Variants in SPPL2B observed in about 807,000 individuals in gnomAD.
SPPL2B encodes the protein signal peptide peptidase like 2B.
A neutral mutation model predicts 59.7 loss-of-function variants in SPPL2B; 39 were observed. The observed-to-expected ratio is 0.65, with a 90% CI of 0.51 to 0.85. The LOEUF is 0.85. Among genes scored for constraint, SPPL2B ranks in the 40% least tolerant of loss-of-function variants. SPPL2B has a pLI of 0.00. For missense variants in SPPL2B, 865 were observed against 849.0 expected, an observed-to-expected ratio of 1.02 and a Z score of -0.23; for synonymous variants, 419 against 370.8, an observed-to-expected ratio of 1.13 and a Z score of -1.49.
intron 3 of SPPL2B, chr19:2,338,534 T>G: frequency 9.9e-6 from 5 of 504,226 alleles, no homozygotes; most frequent in Admixed American, 3.5e-5. Flanking sequence ...TGGGGCCCTG[T>G]TGTCAGGTGA....
rs1239646147 is a variant in SPPL2B, at chr19:2,354,960, G to C, written c.*1751G>C. On this transcript the variant is annotated 3_prime_UTR_variant, in exon 15 of 15. Coordinates refer to ENST00000613503, the MANE Select transcript of SPPL2B (RefSeq NM_152988.3). Reference sequence around the variant, plus strand: ...GCCGGCCAGTGCTGTGAGGTGCCCAGCGTCACTCCCATGGGCTCTGTGGGC... The same window carrying C: ...GCCGGCCAGTGCTGTGAGGTGCCCACCGTCACTCCCATGGGCTCTGTGGGC... 6.6e-6 allele frequency among the ~76,000 whole-genome samples: 1 copy of C among 152,234 alleles called. No individual in the cohort carries two copies. Among genetic ancestry groups the C allele is most frequent in the East Asian group, 1.9e-4 (1 of 5,192 alleles).
At chr19:2,347,179 C>A (rs951373255) in intron 13 of SPPL2B, among the ~76,000 whole-genome samples, 1 of 150,872 alleles carries the variant, frequency 6.6e-6, no homozygotes, top group African/African-American at 2.5e-5. Context: ...TCCACACACA[C>A]GCGCTCTCAT....
chr19:2,341,521 C>G (rs1480991457), intron 8 of SPPL2B: 1 of 446,202 alleles, frequency 2.2e-6, no homozygotes, highest in African/African-American at 2.0e-5. Context: ...TCCCGCTGGC[C>G]GGGCCTCCCC....
At chr19:2,338,958 G>C in intron 4 of SPPL2B, 111 bp from the exon 5 acceptor site, 1 of 1,484,924 alleles carries the variant, frequency 6.7e-7, no homozygotes. Flanking sequence ...GGTGAGGCGT[G>C]GCCCCTGCAG....
At chr19:2,331,957 C>A in intron 1 of SPPL2B, among the ~76,000 whole-genome samples, 1 of 152,268 alleles carries the variant, frequency 6.6e-6, no homozygotes, top group East Asian at 1.9e-4. Context: ...TGACCCATAA[C>A]ATCCCTCCTG....
In SPPL2B at chr19:2,332,551, C is replaced by T. The variant is rs1038615540; in HGVS notation, c.67-2051C>T. Among the ~76,000 whole-genome samples the T allele has an allele frequency of 2.6e-5, 4 of 152,182 alleles. No homozygotes were observed. On this transcript the variant is annotated intron_variant, in intron 1 of 14. Transcript: ENST00000613503. This position sits in a 1 kb window ranked among gnomAD's most constrained non-coding sequence, Gnocchi z 4.6. ...TTCCTGATGAGGCAAATGGCTGTGG[C>T]CTGTTTGTTTCCGTGACAGGTCCCC...
chr19:2,346,614 C>G (rs914042409), intron 13 of SPPL2B, among the ~76,000 whole-genome samples: 1 of 152,172 alleles, frequency 6.6e-6, no homozygotes, highest in African/African-American at 2.4e-5. Flanking sequence ...CTGCAGTGAG[C>G]CATGATCGTG....
intron 1 of SPPL2B, among the ~76,000 whole-genome samples, chr19:2,331,908 C>T (rs73520555): frequency 0.011 from 1,635 of 152,338 alleles, 30 homozygotes; most frequent in African/African-American, 0.037. Flanking sequence ...TTTACAAACA[C>T]AGAAGGTGGG....
intron 7 of SPPL2B, chr19:2,340,647 G>A: frequency 1.8e-6 from 1 of 569,310 alleles, no homozygotes; most frequent in Non-Finnish European, 3.1e-6. Context: ...AGGGCCTCGG[G>A]CGAAGGGGCG....
intron 4 of SPPL2B, 35 bp from the exon 5 acceptor site, chr19:2,339,034 T>C (rs1253594213): frequency 6.5e-7 from 1 of 1,536,354 alleles, no homozygotes; most frequent in Admixed American, 2.0e-5. Context: ...GGCGGGTGGC[T>C]CTGACGCCTG....
At chr19:2,339,581 C>A (rs1968885706) in intron 5 of SPPL2B, 2 of 599,900 alleles carry the variant, frequency 3.3e-6, no homozygotes, top group Non-Finnish European at 5.9e-6. Context: ...TGCCCACACG[C>A]CAGCCTCTGG....
intron 7 of SPPL2B, chr19:2,340,655 G>T: frequency 1.7e-6 from 1 of 575,282 alleles, no homozygotes. Flanking sequence ...GGGCGAAGGG[G>T]CGCAGCGCAG....
At position 2,328,743 on chromosome 19, in the gene SPPL2B, C is replaced by CT; in HGVS notation, c.38dup (p.Leu13PhefsTer14). 1 of 1,462,588 alleles carries CT rather than the reference C, an allele frequency of 6.8e-7. No individual in the cohort carries two copies. The highest frequency in any genetic ancestry group is 9.0e-7 in the Non-Finnish European group (1 of 1,115,846). The allele number at this position is 1,462,588 out of a possible 1,614,324, so 90.6% of individuals were successfully genotyped here. On this transcript the variant is annotated frameshift_variant, in exon 1 of 15. Coordinates refer to ENST00000613503, the MANE Select transcript of SPPL2B (RefSeq NM_152988.3). LOFTEE classifies it high-confidence loss of function. The stretch of plus-strand genomic sequence containing the variant: ...AGCGGTGGCGGCTGCGCTGGCGCGG[C>CT]TTTTGGCGGCCTTTCTGCTCCTCGC...
intron 8 of SPPL2B, chr19:2,342,311 G>C (rs1568441639): frequency 6.6e-6 from 1 of 152,418 alleles, no homozygotes; most frequent in African/African-American, 2.4e-5. Flanking sequence ...CCCACCCACT[G>C]TGGACCCAGA....
chr19:2,348,723 C>T (rs1255043764), intron 13 of SPPL2B, among the ~76,000 whole-genome samples: 314 of 37,090 alleles, frequency 8.5e-3, no homozygotes, highest in African/African-American at 0.037. Context: ...CACACTCACG[C>T]TCTCATTCGC....
intron 1 of SPPL2B, among the ~76,000 whole-genome samples, chr19:2,329,638 G>A (rs1968175482): frequency 6.6e-6 from 1 of 152,096 alleles, no homozygotes; most frequent in African/African-American, 2.4e-5. Context: ...CACTCTTAAG[G>A]CGTCGCCGCC....
At chr19:2,335,972 T>C (rs1367980378) in intron 2 of SPPL2B, among the ~76,000 whole-genome samples, 2 of 146,904 alleles carry the variant, frequency 1.4e-5, no homozygotes, top group Admixed American at 6.7e-5. Flanking sequence ...TTTTTTTGTG[T>C]GTGAACACAT....
chr19:2,342,854 G>C (rs1429589039), intron 8 of SPPL2B: 1 of 249,470 alleles, frequency 4.0e-6, no homozygotes, highest in African/African-American at 2.2e-5. Flanking sequence ...CGACTGAGGG[G>C]ACGCAGCCGG....
At position 2,339,729 on chromosome 19, in the gene SPPL2B, GT is replaced by G. The variant is rs543842765; in HGVS notation, c.600-91del. The stretch of plus-strand genomic sequence containing the variant: ...CCCCCGGGTCCCCTCCTGCTCCCGG[GT>G]TTTCTGCCCCGTTCCCCCGGGTGGC... On this transcript the variant is annotated intron_variant, in intron 5 of 14. Coordinates refer to ENST00000613503, the MANE Select transcript of SPPL2B (RefSeq NM_152988.3). The G allele has an allele frequency of 1.8e-4, 260 of 1,472,778 alleles. 1 individual carries two copies. The African/African-American group carries it at 3.4e-3, about 19-fold the overall frequency. 91.2% of individuals were successfully genotyped at this position (1,472,778 alleles called of 1,614,324 possible). A position where few individuals can be genotyped will look rare whatever the true frequency, so the allele number is the denominator to read the frequency against.
Sources: allele counts gnomAD v4.1 joint callset (sites outside exome capture counted in the v4.1 genomes callset), GRCh38; gene constraint gnomAD v4.1.1; non-coding constraint Gnocchi (gnomAD v3.1); transcripts MANE v1.5; gene names NCBI Gene and HGNC (gene_info 2026-07-23, HGNC 2026-07-21).